The following FHOD3 variants were observed in gnomAD, a reference collection of about 807,000 sequenced individuals.
FHOD3 encodes FH1/FH2 domain-containing protein 3.
In FHOD3, 90 loss-of-function variants were observed where a neutral mutation model predicts 173.0. The ratio of observed to expected loss-of-function variants is 0.52; its 90% CI spans 0.44 to 0.62. The LOEUF is 0.62. Among genes scored for constraint, FHOD3 ranks in the 20% least tolerant of loss-of-function variants. The pLI, the probability that FHOD3 is intolerant of heterozygous loss-of-function variation, is 0.00. For synonymous variants in FHOD3, 828 were observed against 823.0 expected, an observed-to-expected ratio of 1.01 and a Z score of -0.10; for missense variants, 1,945 against 2,034.7, an observed-to-expected ratio of 0.96 and a Z score of 0.85.
chr18:36,448,773 G>C (rs898769983), intron 3 of FHOD3, among the ~76,000 whole-genome samples: 1 of 152,110 alleles, frequency 6.6e-6, no homozygotes, highest in Non-Finnish European at 1.5e-5. Context: ...CTGGGCCTCT[G>C]GCTGTCCCTG....
Position 36,696,696 on chromosome 18 carries a change from G to A in FHOD3, c.2236+3273G>A, listed in dbSNP as rs539052649. On this transcript the variant is annotated intron_variant, in intron 17 of 28. Coordinates refer to ENST00000590592, the MANE Select transcript of FHOD3 (RefSeq NM_001281740.3). Reference sequence around the variant, plus strand: ...AATTAATTTTCCATCTGACCCTCTTGTGGGCTTAGCAGATGTATGTCCCCA... The same window carrying A: ...AATTAATTTTCCATCTGACCCTCTTATGGGCTTAGCAGATGTATGTCCCCA... Among the ~76,000 whole-genome samples the A allele has an allele frequency of 6.6e-5, 10 of 152,248 alleles. No individual in the cohort carries two copies. In the South Asian group the frequency reaches 1.9e-3, roughly 28 times the overall value.
Position 36,297,754 on chromosome 18 carries a change from TC to T in FHOD3, c.-78del. 1 of 1,163,730 alleles carries T rather than the reference TC, an allele frequency of 8.6e-7. No individual in the cohort carries two copies. The highest frequency in any genetic ancestry group is 1.1e-6 in the Non-Finnish European group (1 of 907,996). 72.1% of individuals were successfully genotyped at this position (1,163,730 alleles called of 1,614,324 possible). On this transcript the variant is annotated 5_prime_UTR_variant, in exon 1 of 29. Coordinates refer to ENST00000590592, the MANE Select transcript of FHOD3 (RefSeq NM_001281740.3). Reference sequence around the variant, plus strand: ...GAGCCAGCGAGCTGCGGCTGCGGCCTCCCCTGCGCGCAGCTACCCGGGCGTC... The same window carrying T: ...GAGCCAGCGAGCTGCGGCTGCGGCCTCCCTGCGCGCAGCTACCCGGGCGTC...
intron 28 of FHOD3, among the ~76,000 whole-genome samples, chr18:36,774,949 T>A (rs2043558877): frequency 1.3e-5 from 2 of 152,154 alleles, no homozygotes; most frequent in Admixed American, 6.5e-5. Flanking sequence ...ATCCTTCCAT[T>A]TGGGAAGGCT....
intron 3 of FHOD3, among the ~76,000 whole-genome samples, chr18:36,432,042 C>G (rs917857926): frequency 1.3e-5 from 2 of 152,320 alleles, no homozygotes; most frequent in African/African-American, 4.8e-5. Flanking sequence ...TTGAGCATTT[C>G]TGCTTTTCAG....
intron 3 of FHOD3, among the ~76,000 whole-genome samples, chr18:36,409,693 G>A (rs936222222): frequency 1.6e-4 from 24 of 152,298 alleles, no homozygotes; most frequent in Admixed American, 8.5e-4. Context: ...AGTCTTTAGG[G>A]CTGACCGTCA....
chr18:36,512,470 G>A lies in FHOD3; in HGVS notation c.438G>A (p.Val146=). ...AGGATTTGGTGCATGAATTTGTAGTGGCTGAAGGTCTGACATGTTTGATCA... is the reference window on the plus strand; with the variant it reads ...AGGATTTGGTGCATGAATTTGTAGTAGCTGAAGGTCTGACATGTTTGATCA... ...DDKDLVHEFV[V]AEGLTCLIKV... The change falls in exon 5 of 29, where the codon GTG becomes GTA. Residue 146 remains valine (V), a synonymous_variant. Transcript: ENST00000590592. The A allele has an allele frequency of 1.9e-6, 3 of 1,614,060 alleles. No individual in the cohort carries two copies. Among genetic ancestry groups the A allele is most frequent in the Non-Finnish European group, 2.5e-6 (3 of 1,180,014 alleles).
intron 3 of FHOD3, among the ~76,000 whole-genome samples, chr18:36,486,885 T>C (rs997880946): frequency 1.3e-5 from 2 of 152,242 alleles, no homozygotes; most frequent in African/African-American, 4.8e-5. Context: ...TCTGAAACTT[T>C]ATGTGAATGG....
intron 1 of FHOD3, among the ~76,000 whole-genome samples, chr18:36,319,699 A>T (rs1343743973): frequency 6.6e-6 from 1 of 152,230 alleles, no homozygotes; most frequent in Non-Finnish European, 1.5e-5. Context: ...TTTCAGCACC[A>T]CATCGCACTT....
intron 10 of FHOD3, among the ~76,000 whole-genome samples, chr18:36,635,699 G>A (rs2034834333): frequency 6.6e-6 from 1 of 152,236 alleles, no homozygotes; most frequent in African/African-American, 2.4e-5. Context: ...GTATCTATGG[G>A]TCAGGCAGAT....
chr18:36,541,671 A>G (rs778544760), intron 5 of FHOD3, among the ~76,000 whole-genome samples: 7 of 152,220 alleles, frequency 4.6e-5, no homozygotes, highest in Non-Finnish European at 8.8e-5. Context: ...AAAATGCAGA[A>G]TGAGCCCAGG....
chr18:36,682,968 T>C (rs990584776), intron 15 of FHOD3, among the ~76,000 whole-genome samples: 19 of 152,234 alleles, frequency 1.2e-4, no homozygotes, highest in Admixed American at 1.2e-3. Context: ...TGCTTAACTA[T>C]AAGTCACTAC....
chr18:36,606,982 T>C (rs1476944630), intron 8 of FHOD3, among the ~76,000 whole-genome samples: 4 of 152,224 alleles, frequency 2.6e-5, no homozygotes, highest in Non-Finnish European at 5.9e-5. Flanking sequence ...CCCTATGGCT[T>C]TGCTGGGCTC....
At chr18:36,501,665 G>T (rs1179077120) in intron 3 of FHOD3, among the ~76,000 whole-genome samples, 1 of 152,166 alleles carries the variant, frequency 6.6e-6, no homozygotes, top group East Asian at 1.9e-4. Flanking sequence ...AGCCAGAGTG[G>T]ATTTCTACCT....
intron 1 of FHOD3, among the ~76,000 whole-genome samples, chr18:36,321,373 T>A (rs1238108173): frequency 6.6e-6 from 1 of 151,990 alleles, no homozygotes; most frequent in East Asian, 1.9e-4. Context: ...CTGTAATGTG[T>A]ATGGGGGTTG....
At chr18:36,458,496 A>G (rs1228041396) in intron 3 of FHOD3, among the ~76,000 whole-genome samples, 2 of 152,118 alleles carry the variant, frequency 1.3e-5, no homozygotes, top group African/African-American at 4.8e-5. Flanking sequence ...ATTAAAAACC[A>G]GAACCAAGGA....
At chr18:36,510,248 G>A (rs2055560242) in intron 4 of FHOD3, among the ~76,000 whole-genome samples, 1 of 152,168 alleles carries the variant, frequency 6.6e-6, no homozygotes, top group Admixed American at 6.5e-5. Context: ...GCACCTATCA[G>A]TGTTAACATT....
At chr18:36,638,812 C>A (rs907684097) in intron 10 of FHOD3, among the ~76,000 whole-genome samples, 28 of 152,246 alleles carry the variant, frequency 1.8e-4, no homozygotes, top group African/African-American at 6.5e-4. Context: ...GTGTCAGTCA[C>A]CCCCATTGCT....
chr18:36,753,365 G>A (rs2042488814), intron 24 of FHOD3, among the ~76,000 whole-genome samples: 1 of 152,224 alleles, frequency 6.6e-6, no homozygotes, highest in Non-Finnish European at 1.5e-5. Context: ...GATGAAGTCA[G>A]AGAGGTGATA....
At chr18:36,329,503 T>C (rs2044868580) in intron 1 of FHOD3, among the ~76,000 whole-genome samples, 1 of 152,168 alleles carries the variant, frequency 6.6e-6, no homozygotes, top group Admixed American at 6.5e-5. Context: ...TAGACTTACA[T>C]CTTTAAAAGG....
Sources: gnomAD v4.1 joint callset for allele counts (sites outside exome capture counted in the v4.1 genomes callset) on GRCh38, gnomAD v4.1.1 for gene constraint, MANE v1.5 for transcripts, NCBI Gene and HGNC (gene_info 2026-07-23, HGNC 2026-07-21) for gene names.